Variants in TRIM50 observed in about 807,000 individuals in gnomAD.
TRIM50 encodes the protein E3 ubiquitin-protein ligase TRIM50.
TRIM50 carries 34 observed loss-of-function variants against 44.9 expected under a neutral mutation model. That is an observed-to-expected ratio of 0.76 (90% confidence interval 0.58 to 1.01). The LOEUF is 1.01. Among genes scored for constraint, TRIM50 ranks in the 50% least tolerant of loss-of-function variants. The pLI is 0.00. For synonymous variants in TRIM50, 307 were observed against 291.1 expected, an observed-to-expected ratio of 1.05 and a Z score of -0.56; for missense variants, 633 against 663.7, an observed-to-expected ratio of 0.95 and a Z score of 0.51.
In TRIM50 at chr7:73,312,934, G is replaced by C. The variant is rs1554543171; in HGVS notation, c.1451C>G (p.Pro484Arg). 4.5e-6 allele frequency: 7 copies of C among 1,544,002 alleles called. No homozygotes were observed. In the Admixed American group the frequency reaches 1.2e-4, roughly 26 times the overall value. ...CTCCGGGCGGCCCTACAGCTTGGTG[G>C]GCTGCTCGGGGCTGAGGGGGCCAGG... ...SGPGPLSPEQ[P>R]TKL is the part of the protein sequence containing the mutation. The change falls in exon 7 of 7, where the codon CCC becomes CGC. Residue 484 changes from proline (P) to arginine (R), a missense_variant. Physicochemically the swap from Pro to Arg is moderately radical, Grantham distance 103. Transcript: ENST00000333149.
At position 73,320,150 on chromosome 7, in the gene TRIM50, G is replaced by A. The variant is rs535526423; in HGVS notation, c.492C>T (p.Ile164=). ...IAKLVNNRTR[I]VNESDVFSWV... ...GGCAGAGGGAAGGGGCACTCACGAC[G>A]ATTCGGGTCCGGTTGTTCACCAGTT... is the stretch of plus-strand genomic sequence containing the variant. Residue 164 remains isoleucine, a synonymous_variant, in exon 3 of 7, where the codon ATC becomes ATT. Transcript: ENST00000333149. 33 of 1,612,296 alleles carry A rather than the reference G, an allele frequency of 2.0e-5. 1 individual carries two copies. The highest frequency in any genetic ancestry group is 1.3e-4 in the South Asian group (12 of 89,410).
intron 2 of TRIM50, among the ~76,000 whole-genome samples, chr7:73,321,119 G>A (rs1339905652): frequency 6.6e-6 from 1 of 152,070 alleles, no homozygotes; most frequent in Non-Finnish European, 1.5e-5. Flanking sequence ...ATCACTTGAG[G>A]ATAGGAGTTT....
In TRIM50 at chr7:73,324,581, G is replaced by A. The variant is rs148005053; in HGVS notation, c.207C>T (p.Val69=). 13 of 1,614,056 alleles carry A rather than the reference G, an allele frequency of 8.1e-6. No homozygotes were observed. The African/African-American group carries it at 1.3e-4, about 17-fold the overall frequency. ...AVDGSSSLPN[V]SLARVIEALR... is the part of the protein sequence containing the mutation. ...GGGCTTCGATCACCCTGGCCAGGGA[G>A]ACGTTGGGCAGGGAGCTGCTGCCGT... is the stretch of plus-strand genomic sequence containing the variant. Residue 69 remains valine, a synonymous_variant, in exon 2 of 7, where the codon GTC becomes GTT. Coordinates refer to ENST00000333149, the MANE Select transcript of TRIM50 (RefSeq NM_178125.3).
intron 6 of TRIM50, chr7:73,315,266 C>CAA (rs782646567): frequency 1.8e-4 from 22 of 119,968 alleles, no homozygotes; most frequent in Middle Eastern, 4.5e-3. Context: ...AATTTTCCTT[C>CAA]AAAAAAAAAA....
At position 73,316,708 on chromosome 7, in the gene TRIM50, A is replaced by C; in HGVS notation, c.750-19T>G. ...CTCTGCTCTGCAGGTGACAGTTCAC[A>C]GTACAAGAGAGTGAGGTATCACGTG... On this transcript the variant is annotated intron_variant, in intron 5 of 6. Coordinates refer to ENST00000333149, the MANE Select transcript of TRIM50 (RefSeq NM_178125.3). The C allele has an allele frequency of 1.2e-6, 2 of 1,610,760 alleles. No homozygotes were observed.
chr7:73,313,669 C>T lies in TRIM50; in HGVS notation c.875-159G>A, dbSNP rs1563298317. ...AGAAGGGGCCAGTACAGGGCTGCTC[C>T]CTGAATGAATGAATGAATGAATGAA... On this transcript the variant is annotated intron_variant, in intron 6 of 6. Transcript: ENST00000333149. The surrounding 1 kb of genome is among the most constrained non-coding windows in gnomAD (Gnocchi z 4.9). 1.7e-5 allele frequency among the ~76,000 whole-genome samples: 2 copies of T among 120,472 alleles called. No individual in the cohort carries two copies. The highest frequency in any genetic ancestry group is 3.7e-5 in the Non-Finnish European group (2 of 54,406). The allele number at this position is 120,472 out of a possible 152,430, so 79.0% of individuals were successfully genotyped here.
chr7:73,322,918 G>A (rs1443905713), intron 2 of TRIM50, among the ~76,000 whole-genome samples: 1 of 152,110 alleles, frequency 6.6e-6, no homozygotes, highest in East Asian at 1.9e-4. Context: ...AGGCACCTCC[G>A]GCTCCACCTG....
Position 73,324,722 on chromosome 7 carries a change from G to C in TRIM50, c.66C>G (p.Val22=), listed in dbSNP as rs781801446. The C allele has an allele frequency of 6.2e-7, 1 of 1,614,198 alleles. No homozygotes were observed. The highest frequency in any genetic ancestry group is 1.1e-5 in the South Asian group (1 of 91,084). ...DRLQCPICLE[V]FKEPLMLQCG... is the part of the protein sequence containing the mutation. ...ACTGCAGCATCAGGGGCTCCTTGAAGACCTCCAGGCAGATGGGACACTGAA... is the reference window on the plus strand; with the variant it reads ...ACTGCAGCATCAGGGGCTCCTTGAACACCTCCAGGCAGATGGGACACTGAA... The change falls in exon 2 of 7, where the codon GTC becomes GTG. Residue 22 remains valine, a synonymous_variant. Coordinates refer to ENST00000333149, the MANE Select transcript of TRIM50 (RefSeq NM_178125.3).
chr7:73,322,428 A>C (rs765765402), intron 2 of TRIM50, among the ~76,000 whole-genome samples: 1 of 152,194 alleles, frequency 6.6e-6, no homozygotes, highest in Non-Finnish European at 1.5e-5. Context: ...CACAAAGGAC[A>C]GATAAGCTCC....
At chr7:73,315,881 CT>C (rs144736935) in intron 6 of TRIM50, among the ~76,000 whole-genome samples, 320 of 139,850 alleles carry the variant, frequency 2.3e-3, no homozygotes, top group Middle Eastern at 3.8e-3. Context: ...AAGGATATTA[CT>C]TTTTTTTTTT....
rs3040866 is a variant in TRIM50 at position 73,313,670 on chromosome 7, C to CTGAATGAATGAATGAATGAATGAA, written c.875-184_875-161dup. On this transcript the variant is annotated intron_variant, in intron 6 of 6. Transcript: ENST00000333149. This position sits in a 1 kb window ranked among gnomAD's most constrained non-coding sequence, Gnocchi z 4.9. The stretch of plus-strand genomic sequence containing the variant: ...GAAGGGGCCAGTACAGGGCTGCTCC[C>CTGAATGAATGAATGAATGAATGAA]TGAATGAATGAATGAATGAATGAAT... 2.0e-5 allele frequency among the ~76,000 whole-genome samples: 3 copies of CTGAATGAATGAATGAATGAATGAA among 148,924 alleles called. No homozygotes were observed. The highest frequency in any genetic ancestry group is 4.9e-5 in the African/African-American group (2 of 40,524).
chr7:73,320,647 A>G (rs562446964), intron 2 of TRIM50, among the ~76,000 whole-genome samples: 1 of 152,172 alleles, frequency 6.6e-6, no homozygotes, highest in African/African-American at 2.4e-5. Context: ...GCAGTGAGCC[A>G]AGATCATGCC....
chr7:73,326,951 G>A (rs1209631055), intron 1 of TRIM50, among the ~76,000 whole-genome samples: 5 of 152,006 alleles, frequency 3.3e-5, no homozygotes, highest in African/African-American at 4.8e-5. Context: ...CACCATGCCC[G>A]GCTAATTCTT....
rs1459173991 is a variant in TRIM50, at chr7:73,316,926, T to C, written c.750-237A>G. 21 of 449,742 alleles carry C rather than the reference T, an allele frequency of 4.7e-5. No individual in the cohort carries two copies. In the South Asian group the frequency reaches 1.1e-3, roughly 24 times the overall value. 27.9% of individuals were successfully genotyped at this position (449,742 alleles called of 1,614,324 possible). On this transcript the variant is annotated intron_variant, in intron 5 of 6. Transcript: ENST00000333149. ...AGTGCAGGTTTGGGGACCAGCAGTGTTGGTTGGAAAATGGTCCAACCCATT... is the reference window on the plus strand; with the variant it reads ...AGTGCAGGTTTGGGGACCAGCAGTGCTGGTTGGAAAATGGTCCAACCCATT...
chr7:73,315,093 C>A, intron 6 of TRIM50: 1 of 323,912 alleles, frequency 3.1e-6, no homozygotes, highest in Non-Finnish European at 6.0e-6. Flanking sequence ...GGACCAATTA[C>A]AACAACAAAT....
rs28626137 is a variant in TRIM50 at position 73,324,751 on chromosome 7, G to C, written c.37C>G (p.Arg13Gly). The C allele has an allele frequency of 6.2e-7, 1 of 1,614,102 alleles. No individual in the cohort carries two copies. Among genetic ancestry groups the C allele is most frequent in the Non-Finnish European group, 8.5e-7 (1 of 1,180,032 alleles). Residue 13 changes from arginine to glycine, a missense_variant, in exon 2 of 7, where the codon CGG becomes GGG. Physicochemically the swap from Arg to Gly is moderately radical, Grantham distance 125. Transcript: ENST00000333149. ...TCCAGGCAGATGGGACACTGAAGCC[G>C]GTCCTCCAGCTCTGGCAGGCTCACC... ...WQVSLPELED[R>G]LQCPICLEVF...
At chr7:73,316,760 A>G in intron 5 of TRIM50, 71 bp from the exon 6 acceptor site, 4 of 1,571,638 alleles carry the variant, frequency 2.5e-6, no homozygotes, top group Non-Finnish European at 3.4e-6. Context: ...CATCCTATCT[A>G]TGTTTGCCCA....
In TRIM50 at chr7:73,313,347, G is replaced by A. The variant is rs782065799; in HGVS notation, c.1038C>T (p.Cys346=). 7.5e-6 allele frequency: 12 copies of A among 1,602,508 alleles called. No homozygotes were observed. The highest frequency in any genetic ancestry group is 1.7e-5 in the Admixed American group (1 of 58,430). The change falls in exon 7 of 7, where the codon TGC becomes TGT. Residue 346 remains cysteine, a synonymous_variant. Coordinates refer to ENST00000333149, the MANE Select transcript of TRIM50 (RefSeq NM_178125.3). The surrounding 1 kb of genome is among the most constrained non-coding windows in gnomAD (Gnocchi z 4.9). ...TCVLASRGFS[C]GRHYWEVVVG... is the part of the protein sequence containing the mutation. ...CCACCACCTCCCAGTAGTGGCGGCC[G>A]CAGGAGAAGCCGCGGCTGGCCAGGA...
At chr7:73,315,545 G>A (rs1351403049) in intron 6 of TRIM50, among the ~76,000 whole-genome samples, 14 of 152,018 alleles carry the variant, frequency 9.2e-5, no homozygotes, top group Non-Finnish European at 1.9e-4. Context: ...TGTAGAGATG[G>A]CGTCTCACTA....
Sources: gnomAD v4.1 joint callset for allele counts (sites outside exome capture counted in the v4.1 genomes callset) on GRCh38, gnomAD v4.1.1 for gene constraint, Gnocchi (gnomAD v3.1) non-coding constraint, MANE v1.5 for transcripts, NCBI Gene and HGNC (gene_info 2026-07-23, HGNC 2026-07-21) for gene names.